The following GRIA2 variants were observed in gnomAD, a reference collection of about 807,000 sequenced individuals.
GRIA2 encodes glutamate receptor 2.
GRIA2 carries 14 observed loss-of-function variants against 97.3 expected under a neutral mutation model. The observed-to-expected ratio is 0.14, with a 90% CI of 0.10 to 0.23. The LOEUF is 0.23. GRIA2 is among the 10% of genes least tolerant of loss of function. The pLI is 1.00. For synonymous variants in GRIA2, 412 were observed against 387.8 expected, an observed-to-expected ratio of 1.06 and a Z score of -0.73; for missense variants, 558 against 1,069.8, an observed-to-expected ratio of 0.52 and a Z score of 6.67.
chr4:157,336,416 G>A lies in GRIA2; in HGVS notation c.1513G>A (p.Val505Met), dbSNP rs931254754. 1 of 1,596,958 alleles carries A rather than the reference G, an allele frequency of 6.3e-7. No homozygotes were observed. The highest frequency in any genetic ancestry group is 8.5e-7 in the Non-Finnish European group (1 of 1,171,718). ...IAIAPLTITL[V>M]REEVIDFSKP... is the part of the protein sequence containing the mutation. ...AATTGCTCCATTAACTATTACCCTT[G>A]TGAGAGAAGAGGTGATTGACTTCTC... Residue 505 changes from valine to methionine, a missense_variant, in exon 11 of 16, where the codon GTG becomes ATG. Physicochemically the swap from Val to Met is conservative, Grantham distance 21. This residue lies in a region of GRIA2 where 41 missense variants were observed against 102.2 expected (regional missense o/e 0.40). Coordinates refer to ENST00000264426, the MANE Select transcript of GRIA2 (RefSeq NM_001083619.3).
chr4:157,334,204 A>T, intron 9 of GRIA2, 84 bp downstream of exon 9: 1 of 742,026 alleles, frequency 1.3e-6, no homozygotes, highest in South Asian at 1.5e-5. Context: ...TTTTAGGAGA[A>T]TAATATCTGT....
At chr4:157,227,165 C>T (rs1280493490) in intron 2 of GRIA2, among the ~76,000 whole-genome samples, 1 of 152,112 alleles carries the variant, frequency 6.6e-6, no homozygotes, top group Non-Finnish European at 1.5e-5. Flanking sequence ...TATGCTATTT[C>T]TGTTTGAAAG....
intron 2 of GRIA2, among the ~76,000 whole-genome samples, chr4:157,262,717 GA>G (rs1426665148): frequency 6.6e-6 from 1 of 151,968 alleles, no homozygotes; most frequent in Admixed American, 6.6e-5. Flanking sequence ...TTCATTAACA[GA>G]GACACAGTGT....
intron 2 of GRIA2, among the ~76,000 whole-genome samples, chr4:157,298,876 G>T (rs577655888): frequency 5.3e-5 from 8 of 152,070 alleles, no homozygotes; most frequent in Admixed American, 2.0e-4. Context: ...GAAGGCTTGG[G>T]AAATATGTGC....
chr4:157,241,934 C>A (rs974527828), intron 2 of GRIA2, among the ~76,000 whole-genome samples: 3 of 152,052 alleles, frequency 2.0e-5, no homozygotes, highest in East Asian at 1.9e-4. Flanking sequence ...AATAATAAGT[C>A]ATTTGGTTTG....
At chr4:157,303,879 T>A (rs1490852505) in intron 3 of GRIA2, 88 bp downstream of exon 3, 8 of 1,357,682 alleles carry the variant, frequency 5.9e-6, no homozygotes, top group Non-Finnish European at 7.3e-6. Context: ...GCTACAAAGG[T>A]GTGATAAAGC....
chr4:157,342,202 T>C, intron 12 of GRIA2: 5 of 977,392 alleles, frequency 5.1e-6, no homozygotes, highest in Non-Finnish European at 6.1e-6. Context: ...TAATGGTCTC[T>C]GATAATCTAC....
At chr4:157,220,196 T>A (rs1002899388), upstream of GRIA2, 1 of 152,076 alleles carries the variant, frequency 6.6e-6, no homozygotes, top group African/African-American at 2.4e-5. Flanking sequence ...TCACAGGAGA[T>A]GGAAGATAAA....
At chr4:157,254,517 G>A (rs922186949) in intron 2 of GRIA2, among the ~76,000 whole-genome samples, 27 of 151,874 alleles carry the variant, frequency 1.8e-4, no homozygotes, top group Non-Finnish European at 1.0e-4. Context: ...AAATCAAAAA[G>A]AAAAAGGCAA....
At chr4:157,350,511 T>C (rs920056872) in intron 12 of GRIA2, among the ~76,000 whole-genome samples, 5 of 151,980 alleles carry the variant, frequency 3.3e-5, no homozygotes, top group Admixed American at 2.6e-4. Context: ...AAAATTAAGA[T>C]TTCAGACCAC....
chr4:157,355,916 A>AT lies in GRIA2; in HGVS notation c.2044-3980_2044-3979insT, dbSNP rs1736288535. ...ATTTATATATAAATATATATATATT[A>AT]ATATATTTATATATATTTATATATT... On this transcript the variant is annotated intron_variant, in intron 12 of 15. Coordinates refer to ENST00000264426, the MANE Select transcript of GRIA2 (RefSeq NM_001083619.3). Among the ~76,000 whole-genome samples, 3 of 26,072 alleles carry AT rather than the reference A, an allele frequency of 1.2e-4. 1 individual carries two copies. Among genetic ancestry groups the AT allele is most frequent in the Admixed American group, 2.5e-3 (2 of 788 alleles). The allele number at this position is 26,072 out of a possible 152,430, so 17.1% of individuals were successfully genotyped here.
intron 4 of GRIA2, among the ~76,000 whole-genome samples, chr4:157,314,219 T>C (rs2126889180): frequency 6.6e-6 from 1 of 152,304 alleles, no homozygotes; most frequent in Non-Finnish European, 1.5e-5. Context: ...TACACACTTG[T>C]GTATGCATTT....
chr4:157,267,067 A>G (rs1366120219), intron 2 of GRIA2, among the ~76,000 whole-genome samples: 1 of 152,028 alleles, frequency 6.6e-6, no homozygotes, highest in Non-Finnish European at 1.5e-5. Flanking sequence ...AATTTAAAAA[A>G]AGAAAAAAAG....
chr4:157,256,268 T>TGTATA (rs1481650632), intron 2 of GRIA2, among the ~76,000 whole-genome samples: 2 of 135,852 alleles, frequency 1.5e-5, no homozygotes, highest in East Asian at 4.0e-4. Flanking sequence ...ATATATTACA[T>TGTATA]ATATATGTTA....
At chr4:157,228,962 C>T (rs1366574634) in intron 2 of GRIA2, among the ~76,000 whole-genome samples, 1 of 151,172 alleles carries the variant, frequency 6.6e-6, no homozygotes. Context: ...TTAGATGTTC[C>T]AAAAATGTGT....
intron 11 of GRIA2, among the ~76,000 whole-genome samples, chr4:157,339,534 C>T (rs1436059256): frequency 3.3e-5 from 5 of 151,818 alleles, no homozygotes; most frequent in African/African-American, 1.2e-4. Context: ...TTTTAGATAT[C>T]ATGTACATTT....
In GRIA2 at chr4:157,332,947, C is replaced by A. The variant is rs150963106; in HGVS notation, c.1011C>A (p.Pro337=). ...ACTGTCTGGCAAACCCAGCAGTGCC[C>A]TGGGGACAAGGTGTAGAAATAGAAA... ...AGDCLANPAV[P]WGQGVEIERA... Residue 337 remains proline, a synonymous_variant, in exon 7 of 16, where the codon CCC becomes CCA. Coordinates refer to ENST00000264426, the MANE Select transcript of GRIA2 (RefSeq NM_001083619.3). 22 of 1,611,930 alleles carry A rather than the reference C, an allele frequency of 1.4e-5. No individual in the cohort carries two copies. In the African/African-American group the frequency reaches 2.8e-4, roughly 21 times the overall value.
chr4:157,363,705 A>G lies in GRIA2; in HGVS notation c.*274A>G. The G allele has an allele frequency of 2.1e-6, 1 of 485,790 alleles. No homozygotes were observed. Among genetic ancestry groups the G allele is most frequent in the Non-Finnish European group, 3.3e-6 (1 of 304,936 alleles). The allele number at this position is 485,790 out of a possible 1,614,324, so 30.1% of individuals were successfully genotyped here. A position where few individuals can be genotyped will look rare whatever the true frequency, so the allele number is the denominator to read the frequency against. ...TTGAAGACTTTTCTTTCAGCCAAGA[A>G]TTCTTAAATATGTGGAGTTCATCTT... On this transcript the variant is annotated 3_prime_UTR_variant, in exon 16 of 16. Transcript: ENST00000264426.
At position 157,321,378 on chromosome 4, in the gene GRIA2, A is replaced by ATGT. The variant is rs1734557535; in HGVS notation, c.721-58_721-56dup. 3 of 1,180,480 alleles carry ATGT rather than the reference A, an allele frequency of 2.5e-6. No individual in the cohort carries two copies. The South Asian group carries it at 4.1e-5, about 16-fold the overall frequency. 73.1% of individuals were successfully genotyped at this position (1,180,480 alleles called of 1,614,324 possible). ...CACAATGTATAGAGTTATTTGGTAA[A>ATGT]TGTTAAGTAGCATTTTGTTCTCAAA... On this transcript the variant is annotated intron_variant, in intron 5 of 15. Coordinates refer to ENST00000264426, the MANE Select transcript of GRIA2 (RefSeq NM_001083619.3).
Sources: allele counts gnomAD v4.1 joint callset (sites outside exome capture counted in the v4.1 genomes callset), GRCh38; gene constraint gnomAD v4.1.1; regional missense constraint gnomAD v4.1.1; transcripts MANE v1.5; gene names NCBI Gene and HGNC (gene_info 2026-07-23, HGNC 2026-07-21).